The following RNF144A variants were observed in gnomAD, a reference collection of about 807,000 sequenced individuals.
RNF144A encodes the protein E3 ubiquitin-protein ligase RNF144A.
Under a neutral mutation model 38.7 loss-of-function variants are expected in RNF144A, and 11 were observed. The observed-to-expected ratio is 0.28, with a 90% CI of 0.18 to 0.47. RNF144A has a LOEUF of 0.47. Ranked by LOEUF, RNF144A falls within the 20% of genes least tolerant of loss-of-function variation. The pLI, the probability that RNF144A is intolerant of heterozygous loss-of-function variation, is 0.99. For missense variants in RNF144A, 316 were observed against 377.2 expected (o/e 0.84, Z 1.34); for synonymous variants, 149 against 143.9 (o/e 1.04, Z -0.25).
chr2:7,075,428 G>A, the RNF144A span, among the ~76,000 whole-genome samples: 4 of 152,078 alleles, frequency 2.6e-5, no homozygotes, highest in Non-Finnish European at 5.9e-5. Context: ...TTCGTGTGTT[G>A]GAAACTTAAT....
intron 1 of RNF144A, among the ~76,000 whole-genome samples, chr2:6,938,422 A>G (rs1393780246): frequency 6.6e-6 from 1 of 151,282 alleles, no homozygotes; most frequent in Non-Finnish European, 1.5e-5. Context: ...TAATTTTTGT[A>G]TTTTTAGTAG....
intron 2 of RNF144A, among the ~76,000 whole-genome samples, chr2:6,978,061 T>A (rs1225792417): frequency 1.3e-5 from 2 of 152,166 alleles, no homozygotes; most frequent in Non-Finnish European, 2.9e-5. Context: ...GCCTCACTCC[T>A]CATCCTCAAC....
At chr2:6,988,451 G>C (rs1669094658) in intron 2 of RNF144A, among the ~76,000 whole-genome samples, 1 of 152,188 alleles carries the variant, frequency 6.6e-6, no homozygotes, top group Non-Finnish European at 1.5e-5. Flanking sequence ...TGAAGACTTT[G>C]ACAGTTTTTG....
intron 2 of RNF144A, among the ~76,000 whole-genome samples, chr2:6,982,127 C>CA (rs1352776514): frequency 1.3e-5 from 2 of 152,180 alleles, no homozygotes; most frequent in African/African-American, 4.8e-5. Context: ...TGTTCATGGA[C>CA]AGATGAACTG....
At chr2:6,978,684 C>A (rs1668453213) in intron 2 of RNF144A, 1 of 152,606 alleles carries the variant, frequency 6.6e-6, no homozygotes, top group Non-Finnish European at 1.5e-5. Flanking sequence ...GACTCAGAAC[C>A]AAGCTGAATG....
In RNF144A at chr2:7,043,015, C is replaced by T; in HGVS notation, c.*3255C>T. 1 of 462,140 alleles carries T rather than the reference C, an allele frequency of 2.2e-6. No homozygotes were observed. Among genetic ancestry groups the T allele is most frequent in the Non-Finnish European group, 2.8e-6 (1 of 352,314 alleles). 28.6% of individuals were successfully genotyped at this position (462,140 alleles called of 1,614,324 possible). A position where few individuals can be genotyped will look rare whatever the true frequency, so the allele number is the denominator to read the frequency against. ...CCCAAGTAGCTGGGATTACAGGCACCCACCACCTCACCCAGCTAATTTTTG... is the reference window on the plus strand; with the variant it reads ...CCCAAGTAGCTGGGATTACAGGCACTCACCACCTCACCCAGCTAATTTTTG... On this transcript the variant is annotated 3_prime_UTR_variant, in exon 9 of 9. Coordinates refer to ENST00000320892, the MANE Select transcript of RNF144A (RefSeq NM_014746.6).
chr2:7,033,322 C>T (rs1194275286), intron 8 of RNF144A, among the ~76,000 whole-genome samples: 14 of 152,260 alleles, frequency 9.2e-5, no homozygotes, highest in Non-Finnish European at 1.9e-4. Context: ...GCTTCTGGTG[C>T]TTGATCTGGC....
chr2:7,047,268 A>C (rs6725208), downstream of RNF144A, among the ~76,000 whole-genome samples: 7 of 115,654 alleles, frequency 6.1e-5, no homozygotes, highest in Admixed American at 4.6e-4. Flanking sequence ...ATGTGTGTCT[A>C]TGTGTGTGAC....
Position 6,988,971 on chromosome 2 carries a change from C to A in RNF144A, c.-11-7945C>A, listed in dbSNP as rs115271123. On this transcript the variant is annotated intron_variant, in intron 2 of 8. Transcript: ENST00000320892. ...CCACTGGGAGCTTTTTCAGTTGTCT[C>A]CTATATTGTTTGGACATCCTCTAGC... Among the ~76,000 whole-genome samples, 388 of 152,056 alleles carry A rather than the reference C, an allele frequency of 2.6e-3. 1 individual carries two copies. The highest frequency in any genetic ancestry group is 8.9e-3 in the African/African-American group (370 of 41,484).
In RNF144A at chr2:6,958,892, C is replaced by T. The variant is rs1395517086; in HGVS notation, c.-12+17745C>T. ...ACACTATTCCAAAGCTTCTCTTTTACCCAATGGCTCCCTAAAAGCTTCTCT... is the reference window on the plus strand; with the variant it reads ...ACACTATTCCAAAGCTTCTCTTTTATCCAATGGCTCCCTAAAAGCTTCTCT... On this transcript the variant is annotated intron_variant, in intron 2 of 8. Coordinates refer to ENST00000320892, the MANE Select transcript of RNF144A (RefSeq NM_014746.6). This position sits in a 1 kb window ranked among gnomAD's most constrained non-coding sequence, Gnocchi z 4.5. Among the ~76,000 whole-genome samples the T allele has an allele frequency of 2.0e-5, 3 of 152,170 alleles. No individual in the cohort carries two copies. The highest frequency in any genetic ancestry group is 7.2e-5 in the African/African-American group (3 of 41,450).
At chr2:7,032,931 G>A (rs1672421076) in intron 8 of RNF144A, among the ~76,000 whole-genome samples, 1 of 152,260 alleles carries the variant, frequency 6.6e-6, no homozygotes, top group African/African-American at 2.4e-5. Context: ...TCCCTGGGCT[G>A]TAGGTAGGGG....
At chr2:7,003,207 A>C (rs1214681604) in intron 3 of RNF144A, among the ~76,000 whole-genome samples, 1 of 152,206 alleles carries the variant, frequency 6.6e-6, no homozygotes, top group African/African-American at 2.4e-5. Flanking sequence ...AAAAAGTTAC[A>C]GGAAGCTAAG....
At chr2:6,934,787 AG>A (rs1242621050) in intron 1 of RNF144A, among the ~76,000 whole-genome samples, 1 of 152,226 alleles carries the variant, frequency 6.6e-6, no homozygotes, top group Admixed American at 6.5e-5. Context: ...AGATAAGAGC[AG>A]GAGCTCTGCA....
intron 2 of RNF144A, among the ~76,000 whole-genome samples, chr2:6,971,236 G>A (rs573787858): frequency 1.3e-5 from 2 of 152,112 alleles, no homozygotes; most frequent in Non-Finnish European, 2.9e-5. Flanking sequence ...CTCTTGGGAC[G>A]GGTGTGCTGC....
intron 7 of RNF144A, 116 bp from the exon 8 acceptor site, chr2:7,030,010 C>A: frequency 1.3e-6 from 1 of 758,476 alleles, no homozygotes; most frequent in Non-Finnish European, 2.3e-6. Flanking sequence ...TGTGTCACCT[C>A]CCTCATGTCT....
chr2:6,974,942 G>A (rs898876794), intron 2 of RNF144A, among the ~76,000 whole-genome samples: 1 of 152,100 alleles, frequency 6.6e-6, no homozygotes, highest in Non-Finnish European at 1.5e-5. Flanking sequence ...GAATGAGTAG[G>A]CATGATTGCT....
chr2:6,972,641 A>T (rs544739517), intron 2 of RNF144A, among the ~76,000 whole-genome samples: 1 of 152,176 alleles, frequency 6.6e-6, no homozygotes, highest in Admixed American at 6.5e-5. Flanking sequence ...TTTCGTACAC[A>T]TGTTTCGCAG....
intron 2 of RNF144A, among the ~76,000 whole-genome samples, chr2:6,950,055 C>T (rs145879195): frequency 4.9e-4 from 74 of 152,172 alleles, no homozygotes; most frequent in African/African-American, 1.5e-3. Context: ...TTAAGCAGTG[C>T]GTTTAAAGAG....
chr2:6,923,535 C>T (rs973179712), intron 1 of RNF144A, among the ~76,000 whole-genome samples: 8 of 152,222 alleles, frequency 5.3e-5, no homozygotes, highest in Admixed American at 3.9e-4. Flanking sequence ...CATCCATGTG[C>T]CAGCTTCCTA....
Sources: gnomAD v4.1 joint callset for allele counts (sites outside exome capture counted in the v4.1 genomes callset) on GRCh38, gnomAD v4.1.1 for gene constraint, Gnocchi (gnomAD v3.1) non-coding constraint, MANE v1.5 for transcripts, NCBI Gene and HGNC (gene_info 2026-07-23, HGNC 2026-07-21) for gene names.